The following KLF12 variants were observed in gnomAD, a reference collection of about 807,000 sequenced individuals.
KLF12 encodes the protein Krueppel-like factor 12.
In KLF12, 9 loss-of-function variants were observed where a neutral mutation model predicts 37.8. That is an observed-to-expected ratio of 0.24 (90% CI 0.14 to 0.42). The LOEUF is 0.42. KLF12 is among the 10% of genes least tolerant of loss of function. The pLI is 1.00. For missense variants in KLF12, 411 were observed against 516.0 expected (o/e 0.80, Z 1.97); for synonymous variants, 208 against 202.1 (o/e 1.03, Z -0.25).
chr13:74,132,461 TA>T (rs1300689902), intron 1 of KLF12, among the ~76,000 whole-genome samples: 1 of 152,158 alleles, frequency 6.6e-6, no homozygotes, highest in Non-Finnish European at 1.5e-5. Context: ...AACGCTGGTG[TA>T]AAATAAAATA....
intron 1 of KLF12, among the ~76,000 whole-genome samples, chr13:74,020,896 A>G (rs1161322650): frequency 6.6e-6 from 1 of 151,870 alleles, no homozygotes; most frequent in African/African-American, 2.4e-5. Flanking sequence ...GTCTCAAAAA[A>G]AAAAAAAAAG....
At chr13:73,764,118 A>C (rs1474677021) in intron 6 of KLF12, among the ~76,000 whole-genome samples, 1 of 152,182 alleles carries the variant, frequency 6.6e-6, no homozygotes, top group East Asian at 1.9e-4. Context: ...AGTTTTAATC[A>C]AAATCTCATT....
At chr13:74,037,808 GA>G (rs1893296151) in intron 1 of KLF12, among the ~76,000 whole-genome samples, 1 of 152,162 alleles carries the variant, frequency 6.6e-6, no homozygotes, top group Non-Finnish European at 1.5e-5. Flanking sequence ...ACTGGGCAAT[GA>G]ATACAGATAA....
intron 2 of KLF12, among the ~76,000 whole-genome samples, chr13:73,979,664 A>G (rs913204334): frequency 1.3e-5 from 2 of 152,212 alleles, no homozygotes; most frequent in East Asian, 1.9e-4. Flanking sequence ...TATGAAATAA[A>G]CTAAATAAAG....
At chr13:74,109,236 T>C (rs1876840823) in intron 1 of KLF12, among the ~76,000 whole-genome samples, 1 of 152,094 alleles carries the variant, frequency 6.6e-6, no homozygotes, top group Non-Finnish European at 1.5e-5. Context: ...TTTTAACATA[T>C]ATTATCTTTA....
chr13:73,957,849 TGC>T (rs1890891160), intron 2 of KLF12, among the ~76,000 whole-genome samples: 2 of 152,144 alleles, frequency 1.3e-5, no homozygotes, highest in Non-Finnish European at 2.9e-5. Context: ...GAGGGAAGGG[TGC>T]TCTTTATAAA....
chr13:74,048,702 A>G (rs1270603641), intron 1 of KLF12, among the ~76,000 whole-genome samples: 1 of 152,190 alleles, frequency 6.6e-6, no homozygotes, highest in Non-Finnish European at 1.5e-5. Context: ...AGAAAGGGAA[A>G]CTTAAATGGC....
intron 5 of KLF12, among the ~76,000 whole-genome samples, chr13:73,778,534 A>AT (rs1176011593): frequency 6.6e-6 from 1 of 151,834 alleles, no homozygotes; most frequent in East Asian, 1.9e-4. Context: ...TAGTTATTTT[A>AT]TTTTTTGTAG....
At chr13:74,242,519 G>A in the KLF12 span, among the ~76,000 whole-genome samples, 1 of 152,142 alleles carries the variant, frequency 6.6e-6, no homozygotes, top group Non-Finnish European at 1.5e-5. Context: ...ATCTCCCACT[G>A]GGTCCCTCCC....
chr13:74,214,624 G>C, the KLF12 span, among the ~76,000 whole-genome samples: 1 of 149,960 alleles, frequency 6.7e-6, no homozygotes, highest in Non-Finnish European at 1.5e-5. Flanking sequence ...AGAGTGTCTG[G>C]TGATACTCTG....
rs537635918 is a variant in KLF12 at position 73,921,656 on chromosome 13, G to A, written c.123+22325C>T. Among the ~76,000 whole-genome samples the A allele has an allele frequency of 1.2e-3, 182 of 152,204 alleles. 2 individuals carry two copies. The highest frequency in any genetic ancestry group is 4.3e-3 in the African/African-American group (177 of 41,534). On this transcript the variant is annotated intron_variant, in intron 3 of 7. Transcript: ENST00000377669. Reference sequence around the variant, plus strand: ...TGTAATAATACATGTGTATATATGAGATATATACAAGATATATAATACATG... The same window carrying A: ...TGTAATAATACATGTGTATATATGAAATATATACAAGATATATAATACATG...
intron 1 of KLF12, among the ~76,000 whole-genome samples, chr13:73,997,439 T>A (rs1053428939): frequency 2.6e-5 from 4 of 152,232 alleles, no homozygotes; most frequent in African/African-American, 4.8e-5. Context: ...TACCACTTTT[T>A]AATCAACAGC....
intron 5 of KLF12, among the ~76,000 whole-genome samples, chr13:73,774,080 C>T (rs1206941741): frequency 6.6e-6 from 1 of 152,082 alleles, no homozygotes; most frequent in Admixed American, 6.5e-5. Context: ...CTCCCTAGCT[C>T]ACCACTTTAT....
Position 73,726,133 on chromosome 13 carries a change from G to A in KLF12, c.870-10608C>T, listed in dbSNP as rs145919860. Among the ~76,000 whole-genome samples the A allele has an allele frequency of 3.3e-3, 495 of 152,234 alleles. 2 individuals carry two copies. The highest frequency in any genetic ancestry group is 0.011 in the African/African-American group (468 of 41,524). On this transcript the variant is annotated intron_variant, in intron 6 of 7. Transcript: ENST00000377669. ...CTCCCAAAGTGCTGGGATTATAGGC[G>A]TGAGTAACCGTGCCCAGCTTCAAGT... is the stretch of plus-strand genomic sequence containing the variant.
At chr13:73,738,091 A>C (rs1877611866) in intron 6 of KLF12, among the ~76,000 whole-genome samples, 1 of 104,704 alleles carries the variant, frequency 9.6e-6, no homozygotes, top group African/African-American at 3.1e-5. Flanking sequence ...ATGTATGTGT[A>C]CATATATATA....
Position 74,019,007 on chromosome 13 carries a change from T to G in KLF12, c.-31-23954A>C, listed in dbSNP as rs74665551. On this transcript the variant is annotated intron_variant, in intron 1 of 7. Transcript: ENST00000377669. Reference sequence around the variant, plus strand: ...TTCAGCTAACAGAAATTACAAAAACTGTGTATGTATTTTTTTAAAGCTTGG... The same window carrying G: ...TTCAGCTAACAGAAATTACAAAAACGGTGTATGTATTTTTTTAAAGCTTGG... Among the ~76,000 whole-genome samples the G allele has an allele frequency of 6.3e-3, 959 of 152,238 alleles. 10 individuals carry two copies. The highest frequency in any genetic ancestry group is 0.022 in the African/African-American group (906 of 41,542).
At chr13:74,050,254 A>T (rs1355101857) in intron 1 of KLF12, among the ~76,000 whole-genome samples, 1 of 152,212 alleles carries the variant, frequency 6.6e-6, no homozygotes, top group Non-Finnish European at 1.5e-5. Context: ...GAAATCCCAA[A>T]GGAAAATTAT....
intron 3 of KLF12, among the ~76,000 whole-genome samples, chr13:73,927,745 AT>A (rs34515464): frequency 0.27 from 37,112 of 135,858 alleles, 4,953 homozygotes; most frequent in East Asian, 0.58. Context: ...ACCCGGCTAA[AT>A]TTTTTTTTTT....
intron 5 of KLF12, among the ~76,000 whole-genome samples, chr13:73,781,863 A>G (rs1247655660): frequency 2.6e-5 from 4 of 152,238 alleles, no homozygotes; most frequent in Non-Finnish European, 5.9e-5. Context: ...GATAAAATTA[A>G]TATATTAATA....
Sources: allele counts gnomAD v4.1 joint callset (sites outside exome capture counted in the v4.1 genomes callset), GRCh38; gene constraint gnomAD v4.1.1; transcripts MANE v1.5; gene names NCBI Gene and HGNC (gene_info 2026-07-23, HGNC 2026-07-21).